TMEM272: variants seen among roughly 807,000 people sequenced by gnomAD.
TMEM272 encodes the protein long intergenic non-protein coding RNA 282.
A neutral mutation model predicts 3.7 loss-of-function variants in TMEM272; 8 were observed. The ratio of observed to expected loss-of-function variants is 2.17; its 90% CI spans 1.27 to 3.91. The LOEUF (loss-of-function observed/expected upper bound fraction) is 3.91, where lower values mean the gene tolerates loss of function less well. TMEM272 is among the 30% of genes most tolerant of loss of function. TMEM272 has a pLI of 0.00. For missense variants in TMEM272, 166 were observed against 91.5 expected (o/e 1.81, Z -3.32); for synonymous variants, 63 against 39.8 (o/e 1.58, Z -2.20).
intron 2 of TMEM272, among the ~76,000 whole-genome samples, chr13:51,833,048 T>A (rs757688991): frequency 1.3e-5 from 2 of 151,988 alleles, no homozygotes; most frequent in Non-Finnish European, 2.9e-5. Context: ...GAGGAGGTGA[T>A]ATTGGTACTG....
chr13:51,841,028 G>C (rs1020436316), intron 1 of TMEM272, among the ~76,000 whole-genome samples: 5 of 152,210 alleles, frequency 3.3e-5, no homozygotes, highest in African/African-American at 1.2e-4. Context: ...ATTTATTGTT[G>C]ATGTCCACAC....
chr13:51,930,145 A>G, the TMEM272 span, among the ~76,000 whole-genome samples: 1 of 147,590 alleles, frequency 6.8e-6, no homozygotes, highest in East Asian at 2.0e-4. Context: ...CCCACTTTCT[A>G]TATTTCTATA....
At chr13:51,871,687 C>T in the TMEM272 span, among the ~76,000 whole-genome samples, 5 of 152,080 alleles carry the variant, frequency 3.3e-5, no homozygotes, top group Non-Finnish European at 5.9e-5. Context: ...TTCTTAGATT[C>T]CCAACTCACA....
At chr13:51,923,403 CGATGGAATGGG>C in the TMEM272 span, among the ~76,000 whole-genome samples, 1 of 152,096 alleles carries the variant, frequency 6.6e-6, no homozygotes, top group South Asian at 2.1e-4. Flanking sequence ...CCTGGGGAGG[CGATGGAATGGG>C]TGGCTTGTTA....
the TMEM272 span, among the ~76,000 whole-genome samples, chr13:51,858,091 T>C: frequency 6.6e-6 from 1 of 152,190 alleles, no homozygotes; most frequent in South Asian, 2.1e-4. Flanking sequence ...TCTAATAATA[T>C]AGCCTCAAAG....
the TMEM272 span, chr13:51,865,817 C>A: frequency 6.2e-7 from 1 of 1,614,148 alleles, no homozygotes; most frequent in African/African-American, 1.3e-5. Context: ...GGAAAGAGAC[C>A]GGAACCTTCT....
chr13:51,922,581 G>C, the TMEM272 span, among the ~76,000 whole-genome samples: 303 of 152,318 alleles, frequency 2.0e-3, 2 homozygotes, highest in Non-Finnish European at 3.0e-3. Flanking sequence ...GAAGAGCTTA[G>C]GTGGGTGGAT....
chr13:51,846,494 T>TA (rs963694273), upstream of TMEM272, among the ~76,000 whole-genome samples: 3 of 144,890 alleles, frequency 2.1e-5, no homozygotes, highest in Non-Finnish European at 4.5e-5. Flanking sequence ...TTTACAGTAA[T>TA]AAAAAACAAC....
chr13:51,851,758 T>G, the TMEM272 span, among the ~76,000 whole-genome samples: 2 of 152,162 alleles, frequency 1.3e-5, no homozygotes, highest in Admixed American at 6.5e-5. Context: ...CTCCTGACCT[T>G]GTGATCTGCC....
At chr13:51,904,090 C>T in the TMEM272 span, among the ~76,000 whole-genome samples, 1 of 152,250 alleles carries the variant, frequency 6.6e-6, no homozygotes, top group South Asian at 2.1e-4. Flanking sequence ...CCCTGGGATG[C>T]TAGGCATGAG....
chr13:51,891,770 C>T, the TMEM272 span, among the ~76,000 whole-genome samples: 1 of 152,116 alleles, frequency 6.6e-6, no homozygotes, highest in Admixed American at 6.5e-5. Flanking sequence ...TTGATTCGAA[C>T]CCCTAGCTTC....
chr13:51,845,082 G>A lies in TMEM272; in HGVS notation c.-90C>T, dbSNP rs1464934431. On this transcript the variant is annotated 5_prime_UTR_variant, in exon 1 of 5. Coordinates refer to ENST00000629372, the MANE Select transcript of TMEM272 (RefSeq NM_001351003.2). ...GCACCTCTGTGGTCCCGAAGTCCAG[G>A]GCTGCCTCTGTGGGGCTCCTCTTGA... 1 of 152,298 alleles carries A rather than the reference G, an allele frequency of 6.6e-6. No individual in the cohort carries two copies. The highest frequency in any genetic ancestry group is 2.4e-5 in the African/African-American group (1 of 41,434). The allele number at this position is 152,298 out of a possible 1,614,324, so 9.4% of individuals were successfully genotyped here. A position where few individuals can be genotyped will look rare whatever the true frequency, so the allele number is the denominator to read the frequency against.
the TMEM272 span, among the ~76,000 whole-genome samples, chr13:51,850,301 C>T: frequency 2.0e-5 from 3 of 152,092 alleles, no homozygotes; most frequent in Non-Finnish European, 4.4e-5. Flanking sequence ...AATATTTATA[C>T]TTGTTTTATT....
the TMEM272 span, among the ~76,000 whole-genome samples, chr13:51,919,525 T>C: frequency 1.4e-5 from 2 of 143,644 alleles, no homozygotes; most frequent in Non-Finnish European, 3.1e-5. Context: ...GAACAATACA[T>C]AAAATTATTT....
chr13:51,889,786 C>G, the TMEM272 span, among the ~76,000 whole-genome samples: 2,859 of 152,242 alleles, frequency 0.019, 43 homozygotes, highest in Non-Finnish European at 0.03. Context: ...AGATTACAGG[C>G]ATGCGCCACC....
the TMEM272 span, among the ~76,000 whole-genome samples, chr13:51,883,834 A>T: frequency 6.6e-6 from 1 of 152,216 alleles, no homozygotes; most frequent in East Asian, 1.9e-4. Context: ...TGTGTTTGCC[A>T]AGTGCACTTG....
the TMEM272 span, among the ~76,000 whole-genome samples, chr13:51,873,358 T>A: frequency 1.3e-5 from 2 of 152,194 alleles, no homozygotes; most frequent in African/African-American, 4.8e-5. Context: ...CGAATAGTGA[T>A]CCACCCAAGT....
chr13:51,903,623 T>TA, the TMEM272 span, among the ~76,000 whole-genome samples: 6 of 152,260 alleles, frequency 3.9e-5, no homozygotes, highest in African/African-American at 1.2e-4. Context: ...GAGCATCTAA[T>TA]GGAGTCAGAT....
At chr13:51,879,572 A>C in the TMEM272 span, among the ~76,000 whole-genome samples, 1 of 152,172 alleles carries the variant, frequency 6.6e-6, no homozygotes, top group Non-Finnish European at 1.5e-5. Flanking sequence ...GAAGATTTGG[A>C]ATAGGGGTTG....
Sources: allele counts gnomAD v4.1 joint callset (sites outside exome capture counted in the v4.1 genomes callset), GRCh38; gene constraint gnomAD v4.1.1; transcripts MANE v1.5; gene names NCBI Gene and HGNC (gene_info 2026-07-23, HGNC 2026-07-21).